Variants in DOT1L observed in about 807,000 individuals in gnomAD.
DOT1L encodes histone-lysine N-methyltransferase, H3 lysine-79 specific.
In DOT1L, 33 loss-of-function variants were observed where a neutral mutation model predicts 153.3. That is an observed-to-expected ratio of 0.22 (90% CI 0.16 to 0.29). The LOEUF (loss-of-function observed/expected upper bound fraction) is 0.29, where lower values mean the gene tolerates loss of function less well. DOT1L is among the 10% of genes least tolerant of loss of function. The pLI is 1.00. For synonymous variants in DOT1L, 1,135 were observed against 965.1 expected (o/e 1.18, Z -3.26); for missense variants, 1,847 against 2,119.9 (o/e 0.87, Z 2.53).
At position 2,193,199 on chromosome 19, in the gene DOT1L, C is replaced by T. The variant is rs891997609; in HGVS notation, c.494-490C>T. 3.3e-5 allele frequency among the ~76,000 whole-genome samples: 5 copies of T among 152,300 alleles called. No homozygotes were observed. In the South Asian group the frequency reaches 1.0e-3, roughly 32 times the overall value. On this transcript the variant is annotated intron_variant, in intron 5 of 27. Transcript: ENST00000398665. The surrounding 1 kb of genome is among the most constrained non-coding windows in gnomAD (Gnocchi z 5.9). ...AGCGGCCGGGAGACTGTCCTGGCTG[C>T]GGGGGACCCCTCACTGCCTCTCCCA...
chr19:2,201,018 C>A (rs2023250310), intron 8 of DOT1L, among the ~76,000 whole-genome samples: 1 of 126,186 alleles, frequency 7.9e-6, no homozygotes, highest in Non-Finnish European at 1.7e-5. Context: ...TCCCCGCATT[C>A]CTCGTCCTCC....
In DOT1L at chr19:2,193,441, G is replaced by C. The variant is rs777982411; in HGVS notation, c.494-248G>C. On this transcript the variant is annotated intron_variant, in intron 5 of 27. Coordinates refer to ENST00000398665, the MANE Select transcript of DOT1L (RefSeq NM_032482.3). This position sits in a 1 kb window ranked among gnomAD's most constrained non-coding sequence, Gnocchi z 5.9. Reference sequence around the variant, plus strand: ...GAGACTCAAAATGGATTCTGGTTTCGGGGGCCACCAAGTGATGTCCATGGA... The same window carrying C: ...GAGACTCAAAATGGATTCTGGTTTCCGGGGCCACCAAGTGATGTCCATGGA... 6.6e-6 allele frequency among the ~76,000 whole-genome samples: 1 copy of C among 152,158 alleles called. No homozygotes were observed. Among genetic ancestry groups the C allele is most frequent in the Non-Finnish European group, 1.5e-5 (1 of 68,020 alleles).
Position 2,217,152 on chromosome 19 carries a change from G to T in DOT1L, c.2544+62G>T. 6.7e-7 allele frequency: 1 copy of T among 1,498,056 alleles called. No homozygotes were observed. 92.8% of individuals were successfully genotyped at this position (1,498,056 alleles called of 1,614,324 possible). A position where few individuals can be genotyped will look rare whatever the true frequency, so the allele number is the denominator to read the frequency against. Reference sequence around the variant, plus strand: ...TGCTCAGCAGAGGCGGCCTGAGCGAGTTGCTAGCAGGAGGGCTTGTCCTAG... The same window carrying T: ...TGCTCAGCAGAGGCGGCCTGAGCGATTTGCTAGCAGGAGGGCTTGTCCTAG... On this transcript the variant is annotated intron_variant, in intron 21 of 27. Coordinates refer to ENST00000398665, the MANE Select transcript of DOT1L (RefSeq NM_032482.3). The surrounding 1 kb of genome is among the most constrained non-coding windows in gnomAD (Gnocchi z 7.3).
At chr19:2,227,498 G>A in intron 27 of DOT1L, 1 of 531,782 alleles carries the variant, frequency 1.9e-6, no homozygotes, top group Non-Finnish European at 3.6e-6. Context: ...TGCCTGCCCA[G>A]ACAGGGCGGA....
In DOT1L at chr19:2,227,503, G is replaced by T. The variant is rs932828077; in HGVS notation, c.4606+376G>T. ...GTCCCCGCAGTGCCTGCCCAGACAG[G>T]GCGGAGAGGAGCCGCCGGGGGGAGC... is the stretch of plus-strand genomic sequence containing the variant. On this transcript the variant is annotated intron_variant, in intron 27 of 27. Coordinates refer to ENST00000398665, the MANE Select transcript of DOT1L (RefSeq NM_032482.3). 5 of 522,446 alleles carry T rather than the reference G, an allele frequency of 9.6e-6. No homozygotes were observed. In the East Asian group the frequency reaches 3.1e-4, roughly 33 times the overall value. 32.4% of individuals were successfully genotyped at this position (522,446 alleles called of 1,614,324 possible). A position where few individuals can be genotyped will look rare whatever the true frequency, so the allele number is the denominator to read the frequency against.
intron 20 of DOT1L, 69 bp downstream of exon 20, chr19:2,216,834 G>C (rs1394785886): frequency 1.9e-6 from 3 of 1,554,564 alleles, no homozygotes; most frequent in Non-Finnish European, 2.6e-6. Flanking sequence ...TGCTCAGGCT[G>C]TCGGGTTCTC....
intron 2 of DOT1L, among the ~76,000 whole-genome samples, chr19:2,181,239 G>A (rs1228861895): frequency 6.6e-6 from 1 of 152,186 alleles, no homozygotes; most frequent in Non-Finnish European, 1.5e-5. Context: ...CTGCCCACTG[G>A]GAAGCTGCCC....
At chr19:2,180,837 TGGGGATGGCTCCTGC>T in intron 2 of DOT1L, 81 bp downstream of exon 2, 3 of 1,549,184 alleles carry the variant, frequency 1.9e-6, no homozygotes, top group Non-Finnish European at 2.6e-6. Flanking sequence ...GATTCTGTTG[TGGGGATGGCTCCTGC>T]AGGGGTGGAC....
At chr19:2,183,258 C>T (rs948411740) in intron 2 of DOT1L, among the ~76,000 whole-genome samples, 1 of 152,182 alleles carries the variant, frequency 6.6e-6, no homozygotes, top group Admixed American at 6.5e-5. Context: ...GCAACTTCCA[C>T]CTCCCAGGTT....
chr19:2,214,384 C>T, intron 18 of DOT1L, 87 bp from the exon 19 acceptor site: 1 of 1,551,658 alleles, frequency 6.4e-7, no homozygotes, highest in Middle Eastern at 2.0e-4. Flanking sequence ...TTGGCTGAGG[C>T]AGGCCCAGGG....
rs768570395 is a variant in DOT1L, at chr19:2,227,010, C to T, written c.4489C>T (p.Leu1497=). The T allele has an allele frequency of 5.8e-5, 92 of 1,590,396 alleles. No individual in the cohort carries two copies. The highest frequency in any genetic ancestry group is 6.7e-5 in the South Asian group (6 of 89,754). Residue 1497 remains leucine (L), a synonymous_variant, in exon 27 of 28, where the codon CTG becomes TTG. Coordinates refer to ENST00000398665, the MANE Select transcript of DOT1L (RefSeq NM_032482.3). The part of the protein sequence containing the change: ...SVAGSSVLQS[L]FSSVPAAAGL... The stretch of plus-strand genomic sequence containing the variant: ...GGCCGGCTCCTCCGTGCTGCAGTCG[C>T]TGTTCAGCTCTGTGCCGGCCGCCGC...
rs1012816015 is a variant in DOT1L, at chr19:2,204,647, C to T, written c.787+1868C>T. Among the ~76,000 whole-genome samples, 3 of 152,342 alleles carry T rather than the reference C, an allele frequency of 2.0e-5. No homozygotes were observed. Among genetic ancestry groups the T allele is most frequent in the South Asian group, 2.1e-4 (1 of 4,830 alleles). ...GGGTACTGCAGTGGCGTCTTCTGTC[C>T]GGCCCCTCCCTGTTTTGAACATGTC... On this transcript the variant is annotated intron_variant, in intron 9 of 27. Coordinates refer to ENST00000398665, the MANE Select transcript of DOT1L (RefSeq NM_032482.3). The surrounding 1 kb of genome is among the most constrained non-coding windows in gnomAD (Gnocchi z 5.7).
chr19:2,204,152 C>A lies in DOT1L; in HGVS notation c.787+1373C>A, dbSNP rs931350204. The stretch of plus-strand genomic sequence containing the variant: ...GCATGCCTGTGTCTCTGTGTGTGCC[C>A]GTGTGCCTGTGTGTCTGTTAGCGTG... On this transcript the variant is annotated intron_variant, in intron 9 of 27. Coordinates refer to ENST00000398665, the MANE Select transcript of DOT1L (RefSeq NM_032482.3). The surrounding 1 kb of genome is among the most constrained non-coding windows in gnomAD (Gnocchi z 5.7). 6.6e-6 allele frequency among the ~76,000 whole-genome samples: 1 copy of A among 151,090 alleles called. No homozygotes were observed. The highest frequency in any genetic ancestry group is 6.6e-5 in the Admixed American group (1 of 15,168).
chr19:2,229,149 C>T, intron 27 of DOT1L: 1 of 985,454 alleles, frequency 1.0e-6, no homozygotes, highest in South Asian at 4.7e-5. Context: ...AAGTTGGAAG[C>T]AGGAGTGATT....
At chr19:2,198,307 G>T (rs1000309169) in intron 7 of DOT1L, among the ~76,000 whole-genome samples, 8 of 152,194 alleles carry the variant, frequency 5.3e-5, no homozygotes, top group Non-Finnish European at 1.2e-4. Context: ...GGTGTGGGGG[G>T]TGGCCCAGCA....
In DOT1L at chr19:2,226,469, C is replaced by T. The variant is rs767821749; in HGVS notation, c.3948C>T (p.Cys1316=). 6.9e-6 allele frequency: 11 copies of T among 1,601,608 alleles called. No individual in the cohort carries two copies. The highest frequency in any genetic ancestry group is 3.3e-5 in the Admixed American group (2 of 59,944). The change falls in exon 27 of 28, where the codon TGC becomes TGT. Residue 1316 remains cysteine (C), a synonymous_variant. Coordinates refer to ENST00000398665, the MANE Select transcript of DOT1L (RefSeq NM_032482.3). Reference sequence around the variant, plus strand: ...CGGGCACCAACCCTGCCAACGGCTGCACCTTCGGCGGGGGCCTGGCCGCGG... The same window carrying T: ...CGGGCACCAACCCTGCCAACGGCTGTACCTTCGGCGGGGGCCTGGCCGCGG... ...LSPGTNPANG[C]TFGGGLAADL...
In DOT1L at chr19:2,186,843, C is replaced by A. The variant is rs76170302; in HGVS notation, c.200+914C>A. ...CATGTCGGGGCCTCTCGCCACCCCCCCTCATTGGGCGTGATGGTGTGCTGG... is the reference window on the plus strand; with the variant it reads ...CATGTCGGGGCCTCTCGCCACCCCCACTCATTGGGCGTGATGGTGTGCTGG... On this transcript the variant is annotated intron_variant, in intron 3 of 27. Coordinates refer to ENST00000398665, the MANE Select transcript of DOT1L (RefSeq NM_032482.3). Among the ~76,000 whole-genome samples the A allele has an allele frequency of 1.7e-4, 26 of 152,340 alleles. No individual in the cohort carries two copies. The South Asian group carries it at 2.1e-3, about 12-fold the overall frequency.
At chr19:2,198,115 G>A (rs939288394) in intron 7 of DOT1L, among the ~76,000 whole-genome samples, 1 of 152,346 alleles carries the variant, frequency 6.6e-6, no homozygotes, top group Admixed American at 6.5e-5. Context: ...CGGCCCCAGA[G>A]CCCATCCTGT....
rs934397018 is a variant in DOT1L, at chr19:2,226,229, C to T, written c.3708C>T (p.Val1236=). The T allele has an allele frequency of 1.3e-6, 2 of 1,549,464 alleles. No homozygotes were observed. The stretch of plus-strand genomic sequence containing the variant: ...AGCCCGCGCCCGCCGGCGAGCCAGT[C>T]AATAGCAGCAAGTGGAAGTCCACCT... ...GRKPAPAGEP[V]NSSKWKSTFS... The change falls in exon 27 of 28, where the codon GTC becomes GTT. Residue 1236 remains valine (V), a synonymous_variant. Transcript: ENST00000398665.
Sources: allele counts gnomAD v4.1 joint callset (sites outside exome capture counted in the v4.1 genomes callset), GRCh38; gene constraint gnomAD v4.1.1; non-coding constraint Gnocchi (gnomAD v3.1); transcripts MANE v1.5; gene names NCBI Gene and HGNC (gene_info 2026-07-23, HGNC 2026-07-21).